Variants in NALF1 observed in about 807,000 individuals in gnomAD.
NALF1 encodes family with sequence similarity 155 member A.
A neutral mutation model predicts 48.4 loss-of-function variants in NALF1; 3 were observed. The observed-to-expected ratio is 0.06, with a 90% CI of 0.03 to 0.16. NALF1 has a LOEUF of 0.16. NALF1 is among the 10% of genes least tolerant of loss of function. The probability of loss-of-function intolerance (pLI) is 1.00; values close to 1 mark genes in which losing one functional copy is unlikely to be tolerated. For synonymous variants in NALF1, 262 were observed against 245.7 expected (o/e 1.07, Z -0.62); for missense variants, 526 against 571.5 (o/e 0.92, Z 0.81).
intron 1 of NALF1, among the ~76,000 whole-genome samples, chr13:107,397,636 T>A: frequency 6.6e-6 from 1 of 151,720 alleles, no homozygotes; most frequent in East Asian, 1.9e-4. Context: ...GCTTCCTACA[T>A]TTTGATTTTT....
chr13:107,586,100 G>A (rs771547825), intron 1 of NALF1, among the ~76,000 whole-genome samples: 6 of 152,086 alleles, frequency 3.9e-5, no homozygotes, highest in Non-Finnish European at 8.8e-5. Context: ...AAGGCTATGT[G>A]TGAAAGAGAA....
chr13:107,451,130 G>A (rs981804789), intron 1 of NALF1, among the ~76,000 whole-genome samples: 2 of 152,176 alleles, frequency 1.3e-5, no homozygotes, highest in South Asian at 2.1e-4. Context: ...AGCAAAAGCC[G>A]GGTCAGAGCT....
intron 1 of NALF1, among the ~76,000 whole-genome samples, chr13:107,827,636 G>A (rs1007261103): frequency 3.3e-5 from 5 of 152,074 alleles, no homozygotes; most frequent in Non-Finnish European, 5.9e-5. Context: ...TTAAATAATC[G>A]CTGTTCATTT....
intron 1 of NALF1, among the ~76,000 whole-genome samples, chr13:107,845,993 A>C (rs185207797): frequency 6.6e-6 from 1 of 152,308 alleles, no homozygotes; most frequent in Admixed American, 6.5e-5. Context: ...ACAGCAAAAA[A>C]AATAGTACCA....
At chr13:107,770,014 A>T (rs548883440) in intron 1 of NALF1, among the ~76,000 whole-genome samples, 185 of 152,148 alleles carry the variant, frequency 1.2e-3, no homozygotes, top group African/African-American at 4.2e-3. Flanking sequence ...CTGGGTTCAC[A>T]CCATTCTCCT....
At chr13:107,222,837 C>CTGAA (rs902127855) in intron 1 of NALF1, among the ~76,000 whole-genome samples, 49 of 152,232 alleles carry the variant, frequency 3.2e-4, no homozygotes, top group African/African-American at 7.0e-4. Flanking sequence ...CCATTAGTGC[C>CTGAA]TGAATGAATG....
intron 1 of NALF1, among the ~76,000 whole-genome samples, chr13:107,596,942 C>A (rs757619973): frequency 1.3e-5 from 2 of 152,064 alleles, no homozygotes; most frequent in East Asian, 3.8e-4. Context: ...TTTTAAGGAA[C>A]TGAACTTTTT....
chr13:107,298,460 T>C (rs1443729994), intron 1 of NALF1, among the ~76,000 whole-genome samples: 1 of 149,536 alleles, frequency 6.7e-6, no homozygotes, highest in Non-Finnish European at 1.5e-5. Context: ...TGAGACAGAG[T>C]CTCACTCTGT....
intron 1 of NALF1, among the ~76,000 whole-genome samples, chr13:107,762,502 A>G (rs1312902073): frequency 2.6e-5 from 4 of 152,170 alleles, no homozygotes; most frequent in Non-Finnish European, 5.9e-5. Flanking sequence ...AGGCAATGAG[A>G]AGGATGTGAG....
At chr13:107,804,137 T>C (rs921790263) in intron 1 of NALF1, among the ~76,000 whole-genome samples, 3 of 152,196 alleles carry the variant, frequency 2.0e-5, no homozygotes, top group Admixed American at 6.5e-5. Context: ...TGCCTACAAG[T>C]GCCTAACCCA....
At chr13:107,458,648 CACT>C (rs1884866217) in intron 1 of NALF1, among the ~76,000 whole-genome samples, 1 of 152,070 alleles carries the variant, frequency 6.6e-6, no homozygotes, top group African/African-American at 2.4e-5. Context: ...ACTTCACCAC[CACT>C]GGGAAAATCA....
At chr13:107,781,350 G>C (rs2138578299) in intron 1 of NALF1, among the ~76,000 whole-genome samples, 1 of 152,178 alleles carries the variant, frequency 6.6e-6, no homozygotes, top group Admixed American at 6.5e-5. Flanking sequence ...TAAACCTTAA[G>C]AGATTTAAAA....
intron 1 of NALF1, among the ~76,000 whole-genome samples, chr13:107,572,764 T>C (rs1192682313): frequency 6.6e-6 from 1 of 152,228 alleles, no homozygotes; most frequent in African/African-American, 2.4e-5. Flanking sequence ...TAAAATGGCA[T>C]ATCTAGGTCG....
chr13:107,357,725 T>C (rs1178640902), intron 1 of NALF1, among the ~76,000 whole-genome samples: 1 of 152,250 alleles, frequency 6.6e-6, no homozygotes, highest in East Asian at 1.9e-4. Flanking sequence ...ATGTTGCTAC[T>C]AAAGAGCTGA....
intron 1 of NALF1, among the ~76,000 whole-genome samples, chr13:107,483,343 C>T (rs915654302): frequency 5.3e-5 from 8 of 152,088 alleles, no homozygotes; most frequent in Non-Finnish European, 1.5e-5. Context: ...ATAATAAAGT[C>T]AATGGCTTGT....
chr13:107,367,523 G>A (rs114611487), intron 1 of NALF1, among the ~76,000 whole-genome samples: 1 of 152,256 alleles, frequency 6.6e-6, no homozygotes, highest in African/African-American at 2.4e-5. Flanking sequence ...GAGAGAACTT[G>A]GAGAGGAATT....
At chr13:107,833,411 T>C (rs972916319) in intron 1 of NALF1, among the ~76,000 whole-genome samples, 1 of 152,208 alleles carries the variant, frequency 6.6e-6, no homozygotes, top group African/African-American at 2.4e-5. Context: ...CCTCTTTTCT[T>C]TCTCCATCTA....
At chr13:107,595,279 G>C (rs1471215237) in intron 1 of NALF1, among the ~76,000 whole-genome samples, 1 of 152,078 alleles carries the variant, frequency 6.6e-6, no homozygotes, top group South Asian at 2.1e-4. Flanking sequence ...ACCATATAAT[G>C]AGAACATTAT....
intron 1 of NALF1, among the ~76,000 whole-genome samples, chr13:107,315,230 T>C (rs1176613134): frequency 6.6e-6 from 1 of 151,470 alleles, no homozygotes; most frequent in African/African-American, 2.4e-5. Flanking sequence ...TTTGTTTTCT[T>C]ATAAATATAA....
Sources: gnomAD v4.1 joint callset for allele counts (sites outside exome capture counted in the v4.1 genomes callset) on GRCh38, gnomAD v4.1.1 for gene constraint, MANE v1.5 for transcripts, NCBI Gene and HGNC (gene_info 2026-07-23, HGNC 2026-07-21) for gene names.